Variants in CDH10 observed in about 807,000 individuals in gnomAD.
CDH10 encodes the protein cadherin-10.
A neutral mutation model predicts 73.1 loss-of-function variants in CDH10; 30 were observed. That is an observed-to-expected ratio of 0.41 (90% CI 0.31 to 0.56). CDH10 has a LOEUF of 0.56. Ranked by LOEUF, CDH10 falls within the 20% of genes least tolerant of loss-of-function variation. CDH10 has a pLI of 0.27. For missense variants in CDH10, 815 were observed against 973.7 expected, an observed-to-expected ratio of 0.84 and a Z score of 2.17; for synonymous variants, 345 against 348.2, an observed-to-expected ratio of 0.99 and a Z score of 0.10.
At chr5:24,635,081 C>T (rs1317652897) in intron 1 of CDH10, among the ~76,000 whole-genome samples, 1 of 151,348 alleles carries the variant, frequency 6.6e-6, no homozygotes, top group Non-Finnish European at 1.5e-5. Flanking sequence ...AAAGAATGAT[C>T]TAAATAAAAC....
At chr5:24,539,493 T>C (rs73743628) in intron 2 of CDH10, among the ~76,000 whole-genome samples, 1,542 of 152,104 alleles carry the variant, frequency 0.01, 30 homozygotes, top group African/African-American at 0.035. Context: ...GCAGTCTACT[T>C]TTTGGTTAAT....
At chr5:24,503,776 T>C (rs893219370) in intron 8 of CDH10, among the ~76,000 whole-genome samples, 2 of 152,140 alleles carry the variant, frequency 1.3e-5, no homozygotes, top group Admixed American at 1.3e-4. Flanking sequence ...ATGAGGTTAA[T>C]AAAAATATTA....
intron 7 of CDH10, among the ~76,000 whole-genome samples, chr5:24,506,109 C>T (rs1030565195): frequency 1.2e-4 from 16 of 136,250 alleles, no homozygotes; most frequent in African/African-American, 3.7e-4. Context: ...AGCAAGACTC[C>T]GTCAAAAAAA....
intron 8 of CDH10, among the ~76,000 whole-genome samples, chr5:24,503,589 A>G (rs1443368458): frequency 6.6e-6 from 1 of 152,226 alleles, no homozygotes; most frequent in East Asian, 1.9e-4. Context: ...TCATTACTAG[A>G]GACAAATGTG....
At chr5:24,531,234 T>C (rs985028583) in intron 5 of CDH10, among the ~76,000 whole-genome samples, 1 of 152,092 alleles carries the variant, frequency 6.6e-6, no homozygotes, top group Non-Finnish European at 1.5e-5. Context: ...CCTGCTTACA[T>C]TGGAATTGTC....
intron 2 of CDH10, among the ~76,000 whole-genome samples, chr5:24,550,924 C>T (rs1467962130): frequency 6.6e-6 from 1 of 152,144 alleles, no homozygotes; most frequent in Non-Finnish European, 1.5e-5. Flanking sequence ...CTCATTTAGT[C>T]CCTTAGCTTC....
At chr5:24,501,851 TG>T (rs1742508293) in intron 8 of CDH10, among the ~76,000 whole-genome samples, 2 of 152,226 alleles carry the variant, frequency 1.3e-5, no homozygotes, top group African/African-American at 4.8e-5. Flanking sequence ...ATAACAAATA[TG>T]CCCTAAAATC....
At chr5:24,619,976 T>C (rs757941540) in intron 1 of CDH10, among the ~76,000 whole-genome samples, 3 of 152,198 alleles carry the variant, frequency 2.0e-5, no homozygotes, top group Non-Finnish European at 4.4e-5. Flanking sequence ...GTTGTCACTG[T>C]AACCAGAAGG....
At position 24,623,414 on chromosome 5, in the gene CDH10, C is replaced by T. The variant is rs140116273; in HGVS notation, c.-124+21180G>A. Among the ~76,000 whole-genome samples the T allele has an allele frequency of 2.6e-5, 4 of 152,208 alleles. No homozygotes were observed. In the East Asian group the frequency reaches 5.8e-4, roughly 22 times the overall value. On this transcript the variant is annotated intron_variant, in intron 1 of 11. Coordinates refer to ENST00000264463, the MANE Select transcript of CDH10 (RefSeq NM_006727.5). Reference sequence around the variant, plus strand: ...GCGCCAGGCCAAAATGTGTAAACCGCATAACAAATTTTAAAAGAGAACTGT... The same window carrying T: ...GCGCCAGGCCAAAATGTGTAAACCGTATAACAAATTTTAAAAGAGAACTGT...
chr5:24,598,396 G>C (rs1017081853), intron 1 of CDH10, among the ~76,000 whole-genome samples: 1 of 151,930 alleles, frequency 6.6e-6, no homozygotes. Flanking sequence ...CTGTAAGTTT[G>C]AGGCAGGGTT....
At chr5:24,535,582 G>T (rs748583792) in intron 4 of CDH10, 121 bp downstream of exon 4, 262 of 856,062 alleles carry the variant, frequency 3.1e-4, no homozygotes, top group Non-Finnish European at 4.2e-4. Context: ...TTTAAGTGTT[G>T]TGTCTTCACT....
intron 1 of CDH10, among the ~76,000 whole-genome samples, chr5:24,595,315 T>C (rs369716660): frequency 2.0e-5 from 3 of 152,094 alleles, no homozygotes; most frequent in South Asian, 2.1e-4. Context: ...CTCTTTACTT[T>C]TTGTTTCATT....
At chr5:24,573,142 T>C (rs530291168) in intron 2 of CDH10, among the ~76,000 whole-genome samples, 205 of 151,618 alleles carry the variant, frequency 1.4e-3, no homozygotes, top group Non-Finnish European at 2.3e-3. Context: ...TAAAAGATAC[T>C]GCAATACAAT....
At chr5:24,582,805 T>C (rs1385597353) in intron 2 of CDH10, among the ~76,000 whole-genome samples, 3 of 152,174 alleles carry the variant, frequency 2.0e-5, no homozygotes, top group Non-Finnish European at 4.4e-5. Context: ...ATGTCACTCA[T>C]AAATCTTTTC....
At chr5:24,518,297 G>A (rs1476521010) in intron 5 of CDH10, among the ~76,000 whole-genome samples, 1 of 151,976 alleles carries the variant, frequency 6.6e-6, no homozygotes, top group Admixed American at 6.6e-5. Context: ...AGCCAAAAAG[G>A]AATGAAAAAT....
At chr5:24,554,049 A>G (rs1744657969) in intron 2 of CDH10, 1 of 125,736 alleles carries the variant, frequency 8.0e-6, no homozygotes, top group Non-Finnish European at 1.6e-5. Flanking sequence ...CAGGCGTGAA[A>G]GAGCAAGACA....
chr5:24,529,763 G>C (rs761038728), intron 5 of CDH10, among the ~76,000 whole-genome samples: 68 of 151,650 alleles, frequency 4.5e-4, no homozygotes, highest in African/African-American at 1.4e-3. Context: ...CCTCATAAAG[G>C]CTCAGCAAAG....
intron 5 of CDH10, among the ~76,000 whole-genome samples, chr5:24,527,121 T>G (rs919991463): frequency 2.0e-5 from 3 of 150,870 alleles, no homozygotes; most frequent in African/African-American, 7.3e-5. Flanking sequence ...CTTATTGCAT[T>G]ACTCTCCAGT....
intron 5 of CDH10, among the ~76,000 whole-genome samples, chr5:24,516,476 A>T: frequency 6.6e-6 from 1 of 151,736 alleles, no homozygotes; most frequent in East Asian, 1.9e-4. Context: ...GTGATTTTCA[A>T]TTTTTTTTCA....
Sources: allele counts gnomAD v4.1 joint callset (sites outside exome capture counted in the v4.1 genomes callset), GRCh38; gene constraint gnomAD v4.1.1; transcripts MANE v1.5; gene names NCBI Gene and HGNC (gene_info 2026-07-23, HGNC 2026-07-21).